The following LIN28B variants were observed in gnomAD, a reference collection of about 807,000 sequenced individuals.
The protein encoded by LIN28B is protein lin-28 homolog B.
Under a neutral mutation model 21.9 loss-of-function variants are expected in LIN28B, and 5 were observed. The ratio of observed to expected loss-of-function variants is 0.23; its 90% confidence interval spans 0.12 to 0.48. The LOEUF (loss-of-function observed/expected upper bound fraction) is 0.48. LIN28B is among the 20% of genes least tolerant of loss of function. The pLI is 0.98. For missense variants in LIN28B, 245 were observed against 310.5 expected (o/e 0.79, Z 1.58); for synonymous variants, 109 against 111.3 (o/e 0.98, Z 0.13).
chr6:105,015,969 A>T (rs1036635693), intron 2 of LIN28B, among the ~76,000 whole-genome samples: 9 of 152,204 alleles, frequency 5.9e-5, no homozygotes, highest in Non-Finnish European at 1.0e-4. Context: ...ACATAGATGT[A>T]CTATTCTGCC....
intron 2 of LIN28B, among the ~76,000 whole-genome samples, chr6:104,997,193 A>G (rs1017619848): frequency 6.6e-6 from 1 of 151,398 alleles, no homozygotes; most frequent in Non-Finnish European, 1.5e-5. Context: ...AGGCAGGAGA[A>G]TGGCGTGGAC....
intron 3 of LIN28B, among the ~76,000 whole-genome samples, chr6:105,068,114 GT>G (rs1356195534): frequency 6.6e-6 from 1 of 152,162 alleles, no homozygotes; most frequent in African/African-American, 2.4e-5. Flanking sequence ...TTATGAGATA[GT>G]TGATGGCATT....
intron 2 of LIN28B, among the ~76,000 whole-genome samples, 163 bp downstream of exon 2, chr6:104,958,449 C>T (rs76236717): frequency 0.088 from 13,442 of 152,112 alleles, 627 homozygotes; most frequent in Middle Eastern, 0.11. Flanking sequence ...CGTGTATGGG[C>T]CTTTTCCTGG....
intron 3 of LIN28B, among the ~76,000 whole-genome samples, chr6:105,049,848 T>C (rs998785085): frequency 1.3e-5 from 2 of 151,236 alleles, no homozygotes; most frequent in Admixed American, 1.3e-4. Flanking sequence ...GTTTTCCATT[T>C]GGTTGGTAGA....
intron 2 of LIN28B, among the ~76,000 whole-genome samples, chr6:104,998,250 TA>T (rs2114284846): frequency 6.6e-6 from 1 of 152,302 alleles, no homozygotes; most frequent in East Asian, 1.9e-4. Flanking sequence ...TTTAACCTAT[TA>T]TGTAATTGAA....
intron 3 of LIN28B, among the ~76,000 whole-genome samples, chr6:105,027,382 C>T (rs2114342733): frequency 6.6e-6 from 1 of 151,950 alleles, no homozygotes; most frequent in East Asian, 1.9e-4. Context: ...TGGTTTTTTT[C>T]ACATTATTTG....
At chr6:104,979,357 G>A (rs11751686) in intron 2 of LIN28B, among the ~76,000 whole-genome samples, 1,823 of 151,846 alleles carry the variant, frequency 0.012, 20 homozygotes, top group Non-Finnish European at 0.018. Flanking sequence ...ACAGGTGTGC[G>A]CCACCACGCC....
At chr6:104,963,407 G>T (rs1262881930) in intron 2 of LIN28B, among the ~76,000 whole-genome samples, 2 of 152,104 alleles carry the variant, frequency 1.3e-5, no homozygotes, top group Middle Eastern at 6.3e-3. Flanking sequence ...AGATACTTTT[G>T]ATTTTCAAGT....
chr6:104,956,225 G>C (rs778171577), upstream of LIN28B, among the ~76,000 whole-genome samples: 39 of 148,126 alleles, frequency 2.6e-4, no homozygotes, highest in Non-Finnish European at 5.0e-4. Context: ...CACCTCCCCT[G>C]CCTGGCGATC....
chr6:105,068,271 T>C (rs1393575574), intron 3 of LIN28B, among the ~76,000 whole-genome samples: 1 of 152,208 alleles, frequency 6.6e-6, no homozygotes, highest in Non-Finnish European at 1.5e-5. Flanking sequence ...TACAAAGTTG[T>C]GCACATAGTA....
intron 2 of LIN28B, among the ~76,000 whole-genome samples, chr6:105,010,537 G>A (rs1164498127): frequency 6.6e-6 from 1 of 152,006 alleles, no homozygotes; most frequent in East Asian, 1.9e-4. Context: ...TCAACAAGGA[G>A]CACAATACTA....
At chr6:105,069,043 C>A (rs1772277052) in intron 3 of LIN28B, among the ~76,000 whole-genome samples, 2 of 152,098 alleles carry the variant, frequency 1.3e-5, no homozygotes, top group South Asian at 4.2e-4. Context: ...ATAGTGAAAC[C>A]CTGACTCTAC....
intron 2 of LIN28B, among the ~76,000 whole-genome samples, chr6:104,943,035 C>T (rs1405068827): frequency 2.1e-5 from 3 of 145,394 alleles, no homozygotes; most frequent in Non-Finnish European, 4.4e-5. Flanking sequence ...TGAAATTAGT[C>T]AAGATTTAAA....
At chr6:104,997,573 C>G (rs1022785915) in intron 2 of LIN28B, among the ~76,000 whole-genome samples, 3 of 145,934 alleles carry the variant, frequency 2.1e-5, no homozygotes, top group African/African-American at 7.6e-5. Flanking sequence ...CACGTTATTT[C>G]TATGAGATAG....
rs183832507 is a variant in LIN28B at position 104,938,805 on chromosome 6, G to A, written c.18+1689G>A. Among the ~76,000 whole-genome samples the A allele has an allele frequency of 1.9e-3, 296 of 151,986 alleles. 1 individual carries two copies. Among genetic ancestry groups the A allele is most frequent in the Admixed American group, 4.2e-3 (64 of 15,282 alleles). The stretch of plus-strand genomic sequence containing the variant: ...ATCGCCCCTTTCGGGTACCTTATAT[G>A]AAATAATACATTAAATATTATAATG... On this transcript the variant is annotated intron_variant, in intron 2 of 5. Transcript: ENST00000635857.
chr6:104,950,413 A>T (rs977570406), intron 2 of LIN28B: 67 of 1,032,106 alleles, frequency 6.5e-5, no homozygotes, highest in Non-Finnish European at 8.1e-5. Context: ...AGAAGAGGCA[A>T]TTAAATAGGC....
At chr6:105,071,676 C>T (rs1271141376) in intron 3 of LIN28B, among the ~76,000 whole-genome samples, 2 of 152,086 alleles carry the variant, frequency 1.3e-5, no homozygotes, top group African/African-American at 2.4e-5. Context: ...TCTCAATTTA[C>T]ATTCACTCCA....
intron 3 of LIN28B, among the ~76,000 whole-genome samples, chr6:105,033,818 T>A (rs6934287): frequency 0.011 from 1,705 of 151,960 alleles, 30 homozygotes; most frequent in African/African-American, 0.039. Flanking sequence ...AAAGAGTGAG[T>A]GACTTCCAAC....
At chr6:105,035,554 T>G (rs921907507) in intron 3 of LIN28B, among the ~76,000 whole-genome samples, 1 of 152,192 alleles carries the variant, frequency 6.6e-6, no homozygotes. Context: ...ACATTTTGGT[T>G]GCAAAACATC....
Sources: gnomAD v4.1 joint callset for allele counts (sites outside exome capture counted in the v4.1 genomes callset) on GRCh38, gnomAD v4.1.1 for gene constraint, MANE v1.5 for transcripts, NCBI Gene and HGNC (gene_info 2026-07-23, HGNC 2026-07-21) for gene names.